The following COL8A1 variants were observed in gnomAD, a reference collection of about 807,000 sequenced individuals.
COL8A1 encodes collagen type VIII alpha 1 chain.
A neutral mutation model predicts 42.7 loss-of-function variants in COL8A1; 21 were observed. That is an observed-to-expected ratio of 0.49 (90% CI 0.35 to 0.71). The LOEUF (loss-of-function observed/expected upper bound fraction) is 0.71. Ranked by LOEUF, COL8A1 falls within the 30% of genes least tolerant of loss-of-function variation. The pLI is 0.01. For synonymous variants in COL8A1, 367 were observed against 369.1 expected (o/e 0.99, Z 0.06); for missense variants, 788 against 962.4 (o/e 0.82, Z 2.40).
At chr3:99,655,435 C>T (rs1023680945) in intron 1 of COL8A1, among the ~76,000 whole-genome samples, 1 of 152,204 alleles carries the variant, frequency 6.6e-6, no homozygotes, top group Admixed American at 6.5e-5. Context: ...CATCAAGGTA[C>T]TATACAATGA....
At chr3:99,650,900 T>G (rs1937824378) in intron 1 of COL8A1, among the ~76,000 whole-genome samples, 1 of 152,222 alleles carries the variant, frequency 6.6e-6, no homozygotes, top group Admixed American at 6.5e-5. Context: ...AAAAATTGAA[T>G]AAGATATGCT....
Position 99,794,277 on chromosome 3 carries a change from C to G in COL8A1, c.376C>G (p.Pro126Ala). Residue 126 changes from proline (P) to alanine (A), a missense_variant, in exon 4 of 4, where the codon CCT becomes GCT. Physicochemically the swap from Pro to Ala is conservative, Grantham distance 27. This residue lies in a region of COL8A1 where 421 missense variants were observed against 553.1 expected (regional missense o/e 0.76). Transcript: ENST00000652472. The surrounding 1 kb of genome is among the most constrained non-coding windows in gnomAD (Gnocchi z 4.3). Reference protein sequence around the residue: ...LRGEQGPRGEPGPRGPPGPPG... With the variant: ...LRGEQGPRGEAGPRGPPGPPG... ...AGGGGAACAAGGTCCCCGTGGAGAG[C>G]CTGGCCCAAGAGGACCACCTGGGCC... 1 of 1,609,552 alleles carries G rather than the reference C, an allele frequency of 6.2e-7. No individual in the cohort carries two copies. Among genetic ancestry groups the G allele is most frequent in the East Asian group, 2.2e-5 (1 of 44,848 alleles).
intron 2 of COL8A1, among the ~76,000 whole-genome samples, chr3:99,752,816 A>T (rs1941180156): frequency 6.6e-6 from 1 of 152,008 alleles, no homozygotes; most frequent in African/African-American, 2.4e-5. Flanking sequence ...GCATAAATAA[A>T]TGACTTTTTA....
chr3:99,664,247 CA>C (rs1938296061), intron 1 of COL8A1, among the ~76,000 whole-genome samples: 2 of 152,164 alleles, frequency 1.3e-5, no homozygotes. Flanking sequence ...TCTGTTTCCC[CA>C]AGGCCTGGAG....
At chr3:99,698,815 T>C (rs1939451665) in intron 1 of COL8A1, among the ~76,000 whole-genome samples, 2 of 152,228 alleles carry the variant, frequency 1.3e-5, no homozygotes, top group African/African-American at 4.8e-5. Flanking sequence ...GAATGACGAA[T>C]GTCAGTGTTA....
intron 1 of COL8A1, among the ~76,000 whole-genome samples, chr3:99,646,667 C>T (rs1937649132): frequency 2.6e-5 from 4 of 152,048 alleles, no homozygotes; most frequent in Admixed American, 2.6e-4. Flanking sequence ...TGTCAAGTAG[C>T]CACATAACCT....
At chr3:99,775,066 A>G (rs568879776) in intron 2 of COL8A1, among the ~76,000 whole-genome samples, 1 of 152,330 alleles carries the variant, frequency 6.6e-6, no homozygotes, top group East Asian at 1.9e-4. Context: ...ACAACGATCC[A>G]GCAGGCCTGA....
chr3:99,674,071 G>T lies in COL8A1; in HGVS notation c.-129+35407G>T, dbSNP rs573183686. Among the ~76,000 whole-genome samples, 118 of 152,080 alleles carry T rather than the reference G, an allele frequency of 7.8e-4. 2 individuals carry two copies. Among genetic ancestry groups the T allele is most frequent in the African/African-American group, 2.6e-3 (108 of 41,494 alleles). ...TTTTGGGAAATTTTCAAGGCATGTGGAAAGAAACAATCCTATGCTATCAAC... is the reference window on the plus strand; with the variant it reads ...TTTTGGGAAATTTTCAAGGCATGTGTAAAGAAACAATCCTATGCTATCAAC... On this transcript the variant is annotated intron_variant, in intron 1 of 3. Transcript: ENST00000652472.
chr3:99,702,176 A>G (rs2107347649), intron 1 of COL8A1, among the ~76,000 whole-genome samples: 1 of 152,294 alleles, frequency 6.6e-6, no homozygotes, highest in Non-Finnish European at 1.5e-5. Context: ...CCTGTCATGA[A>G]ATTTAAACAT....
intron 1 of COL8A1, among the ~76,000 whole-genome samples, chr3:99,714,603 G>A (rs1321610329): frequency 6.6e-6 from 1 of 152,058 alleles, no homozygotes; most frequent in East Asian, 1.9e-4. Flanking sequence ...ATTGACAATA[G>A]TCCCAGGGAC....
At chr3:99,723,690 C>A (rs1195848063) in intron 1 of COL8A1, among the ~76,000 whole-genome samples, 1 of 152,050 alleles carries the variant, frequency 6.6e-6, no homozygotes, top group Non-Finnish European at 1.5e-5. Context: ...CTTAGAAAAA[C>A]CTAAACCTAA....
At chr3:99,683,395 G>A (rs1396801244) in intron 1 of COL8A1, among the ~76,000 whole-genome samples, 1 of 152,100 alleles carries the variant, frequency 6.6e-6, no homozygotes, top group Non-Finnish European at 1.5e-5. Flanking sequence ...AAAATCACAG[G>A]AGATAATATA....
chr3:99,755,239 T>C (rs1461869014), intron 2 of COL8A1, among the ~76,000 whole-genome samples: 1 of 152,198 alleles, frequency 6.6e-6, no homozygotes. Context: ...ATTAGGCCTA[T>C]GCTTGGCCCC....
intron 2 of COL8A1, among the ~76,000 whole-genome samples, chr3:99,772,796 G>A (rs1476196469): frequency 1.3e-5 from 2 of 152,204 alleles, no homozygotes; most frequent in Non-Finnish European, 2.9e-5. Flanking sequence ...CATAGGGAGT[G>A]TGTTTTGTGG....
At chr3:99,732,441 C>T (rs1048043076) in intron 1 of COL8A1, among the ~76,000 whole-genome samples, 5 of 152,256 alleles carry the variant, frequency 3.3e-5, no homozygotes, top group Middle Eastern at 3.4e-3. Flanking sequence ...GAAGCAAACA[C>T]ATCCTTCTTC....
At chr3:99,752,960 C>T (rs1472107074) in intron 2 of COL8A1, among the ~76,000 whole-genome samples, 4 of 152,112 alleles carry the variant, frequency 2.6e-5, no homozygotes, top group African/African-American at 9.7e-5. Flanking sequence ...TGCCACATGC[C>T]TACTGCTATG....
intron 2 of COL8A1, among the ~76,000 whole-genome samples, chr3:99,755,295 C>G (rs1941232916): frequency 6.6e-6 from 1 of 152,166 alleles, no homozygotes. Context: ...ATGACTCCCT[C>G]TGATAGTTGA....
intron 1 of COL8A1, among the ~76,000 whole-genome samples, chr3:99,690,472 A>C (rs1010374545): frequency 1.3e-5 from 2 of 152,204 alleles, no homozygotes; most frequent in African/African-American, 4.8e-5. Context: ...TGGATATTTT[A>C]AAATGCATTC....
intron 1 of COL8A1, among the ~76,000 whole-genome samples, chr3:99,681,386 T>C (rs909905368): frequency 2.6e-5 from 4 of 152,170 alleles, no homozygotes; most frequent in Admixed American, 6.5e-5. Context: ...GAGAAAAATC[T>C]CTTGTATTTT....
Sources: gnomAD v4.1 joint callset for allele counts (sites outside exome capture counted in the v4.1 genomes callset) on GRCh38, gnomAD v4.1.1 for gene constraint, gnomAD v4.1.1 regional missense constraint, Gnocchi (gnomAD v3.1) non-coding constraint, MANE v1.5 for transcripts, NCBI Gene and HGNC (gene_info 2026-07-23, HGNC 2026-07-21) for gene names.